Variants in RNF214 observed in about 807,000 individuals in gnomAD.
RNF214 encodes ring finger protein 214.
In RNF214, 25 loss-of-function variants were observed where a neutral mutation model predicts 75.9. The ratio of observed to expected loss-of-function variants is 0.33; its 90% CI spans 0.24 to 0.46. RNF214 has a LOEUF of 0.46. Ranked by LOEUF, RNF214 falls within the 20% of genes least tolerant of loss-of-function variation. RNF214 has a pLI of 1.00. For synonymous variants in RNF214, 314 were observed against 308.8 expected, an observed-to-expected ratio of 1.02 and a Z score of -0.18; for missense variants, 725 against 857.5, an observed-to-expected ratio of 0.85 and a Z score of 1.93.
chr11:117,238,684 A>G lies in RNF214; in HGVS notation c.191A>G (p.Asn64Ser), dbSNP rs765695500. 2 of 1,614,236 alleles carry G rather than the reference A, an allele frequency of 1.2e-6. No individual in the cohort carries two copies. The highest frequency in any genetic ancestry group is 2.2e-5 in the South Asian group (2 of 91,086). The change falls in exon 3 of 15, where the codon AAT becomes AGT. Residue 64 changes from asparagine to serine, a missense_variant. Asn to Ser is a conservative substitution (Grantham distance 46). Coordinates refer to ENST00000300650, the MANE Select transcript of RNF214 (RefSeq NM_207343.4). Reference sequence around the variant, plus strand: ...ACAATAACCAAGGAGAATAACAGAAATGTCCATTTGGAGCACTCAGAGCAG... The same window carrying G: ...ACAATAACCAAGGAGAATAACAGAAGTGTCCATTTGGAGCACTCAGAGCAG... Reference protein sequence around the residue: ...SQTITKENNRNVHLEHSEQNP... With the variant: ...SQTITKENNRSVHLEHSEQNP...
At chr11:117,240,147 G>A (rs2033030853) in intron 4 of RNF214, among the ~76,000 whole-genome samples, 1 of 151,980 alleles carries the variant, frequency 6.6e-6, no homozygotes, top group African/African-American at 2.4e-5. Flanking sequence ...GAGCCCTGGA[G>A]TTTGAGACCA....
rs143401559 is a variant in RNF214, at chr11:117,282,827, T to C, written c.1927T>C (p.Ser643Pro). The change falls in exon 13 of 15, where the codon TCA becomes CCA. Residue 643 changes from serine (S) to proline (P), a missense_variant. This residue lies in a region of RNF214 where 363 missense variants were observed against 513.0 expected (regional missense o/e 0.71). Coordinates refer to ENST00000300650, the MANE Select transcript of RNF214 (RefSeq NM_207343.4). ...AATGTTCTTGCCTTCTGCCCAAGTT[T>C]CATATCCTGGAAGGTCTTCACATGT... Reference protein sequence around the residue: ...TPMFLPSAQVSYPGRSSHAPA... With the variant: ...TPMFLPSAQVPYPGRSSHAPA... The C allele has an allele frequency of 1.2e-6, 2 of 1,613,950 alleles. No individual in the cohort carries two copies. The highest frequency in any genetic ancestry group is 4.5e-5 in the East Asian group (2 of 44,884).
At chr11:117,235,277 A>G (rs983733876) in intron 2 of RNF214, among the ~76,000 whole-genome samples, 17 of 151,964 alleles carry the variant, frequency 1.1e-4, no homozygotes, top group Non-Finnish European at 2.4e-4. Context: ...GCTCACTGCA[A>G]GCTCTGCCTC....
chr11:117,238,237 C>T (rs1156563210), intron 2 of RNF214, among the ~76,000 whole-genome samples: 3 of 152,002 alleles, frequency 2.0e-5, no homozygotes, highest in African/African-American at 7.2e-5. Context: ...ATGGCAAAAC[C>T]GTGCAAAAAA....
intron 6 of RNF214, among the ~76,000 whole-genome samples, chr11:117,267,158 T>C (rs1465853496): frequency 2.0e-5 from 3 of 152,152 alleles, no homozygotes; most frequent in Non-Finnish European, 2.9e-5. Flanking sequence ...TTATCAGATA[T>C]GTATTTCACC....
At chr11:117,265,977 T>C (rs2033787755) in intron 6 of RNF214, among the ~76,000 whole-genome samples, 1 of 152,196 alleles carries the variant, frequency 6.6e-6, no homozygotes, top group South Asian at 2.1e-4. Flanking sequence ...TTCTAAAGAT[T>C]TGTATCTGGC....
chr11:117,255,730 A>G (rs370430276), intron 6 of RNF214, among the ~76,000 whole-genome samples: 4 of 152,090 alleles, frequency 2.6e-5, no homozygotes, highest in South Asian at 2.1e-4. Context: ...TATTCTTAGT[A>G]TTAATTATTC....
In RNF214 at chr11:117,265,564, C is replaced by G. The variant is rs1004098535; in HGVS notation, c.960-14344C>G. ...GAGTAGCTGGGATTACAGGCCCCCA[C>G]TACTATGCCCAGCTGATTTTTGGTA... On this transcript the variant is annotated intron_variant, in intron 6 of 14. Transcript: ENST00000300650. Among the ~76,000 whole-genome samples, 3 of 152,050 alleles carry G rather than the reference C, an allele frequency of 2.0e-5. No homozygotes were observed. The South Asian group carries it at 6.2e-4, about 32-fold the overall frequency.
chr11:117,246,765 T>C lies in RNF214; in HGVS notation c.820-44T>C, dbSNP rs181757617. On this transcript the variant is annotated intron_variant, in intron 5 of 14. Coordinates refer to ENST00000300650, the MANE Select transcript of RNF214 (RefSeq NM_207343.4). The stretch of plus-strand genomic sequence containing the variant: ...CCTTTGCATCAAAAGAACTAACTTA[T>C]TTTCTTTTTTATTTGTGTGCGACTG... 9.5e-6 allele frequency: 14 copies of C among 1,475,184 alleles called. No homozygotes were observed. The Admixed American group carries it at 1.6e-4, about 17-fold the overall frequency. 91.4% of individuals were successfully genotyped at this position (1,475,184 alleles called of 1,614,324 possible).
chr11:117,247,077 C>A, intron 6 of RNF214, 129 bp downstream of exon 6: 1 of 715,006 alleles, frequency 1.4e-6, no homozygotes, highest in Non-Finnish European at 2.1e-6. Flanking sequence ...CAAGTAAAAA[C>A]TCTCCAATGA....
At chr11:117,270,348 C>G (rs1234232250) in intron 6 of RNF214, among the ~76,000 whole-genome samples, 2 of 147,778 alleles carry the variant, frequency 1.4e-5, no homozygotes, top group East Asian at 4.0e-4. Context: ...GCCTTGACCT[C>G]CTGGGCTGCG....
At position 117,282,835 on chromosome 11, in the gene RNF214, T is replaced by C. The variant is rs1422632101; in HGVS notation, c.1935T>C (p.Pro645=). The change falls in exon 13 of 15, where the codon CCT becomes CCC. Residue 645 remains proline (P), a synonymous_variant. Coordinates refer to ENST00000300650, the MANE Select transcript of RNF214 (RefSeq NM_207343.4). ...MFLPSAQVSY[P]GRSSHAPATC... is the part of the protein sequence containing the mutation. ...TGCCTTCTGCCCAAGTTTCATATCCTGGAAGGTCTTCACATGTAAGACTCT... is the reference window on the plus strand; with the variant it reads ...TGCCTTCTGCCCAAGTTTCATATCCCGGAAGGTCTTCACATGTAAGACTCT... The C allele has an allele frequency of 2.2e-5, 36 of 1,612,930 alleles. No homozygotes were observed. The highest frequency in any genetic ancestry group is 2.9e-5 in the Non-Finnish European group (34 of 1,179,000).
chr11:117,238,985 CAG>C lies in RNF214; in HGVS notation c.493_494del (p.Arg165GlyfsTer17). ...PQTSILKEGN[R>X]DTSLDFRPVV... Reference sequence around the variant, plus strand: ...AAACCTCCATCCTAAAGGAAGGTAACAGGGACACAAGCTTGGATTTCCGACCT... The same window carrying C: ...AAACCTCCATCCTAAAGGAAGGTAACGGACACAAGCTTGGATTTCCGACCT... On this transcript the variant is annotated frameshift_variant, in exon 3 of 15. Coordinates refer to ENST00000300650, the MANE Select transcript of RNF214 (RefSeq NM_207343.4). LOFTEE classifies it high-confidence loss of function. 2 of 1,614,154 alleles carry C rather than the reference CAG, an allele frequency of 1.2e-6. No homozygotes were observed. The highest frequency in any genetic ancestry group is 1.1e-5 in the South Asian group (1 of 91,086).
intron 4 of RNF214, among the ~76,000 whole-genome samples, chr11:117,240,786 A>G (rs1441192883): frequency 6.6e-6 from 1 of 152,196 alleles, no homozygotes; most frequent in Non-Finnish European, 1.5e-5. Context: ...TCACGCCTGT[A>G]ATCCTAGCAC....
chr11:117,233,411 T>C (rs2032789551), intron 1 of RNF214, among the ~76,000 whole-genome samples: 1 of 152,266 alleles, frequency 6.6e-6, no homozygotes, highest in East Asian at 1.9e-4. Context: ...CCCTATGCGC[T>C]CTTCAGTGTT....
chr11:117,249,301 C>CT (rs1393798795), intron 6 of RNF214, among the ~76,000 whole-genome samples: 3 of 152,076 alleles, frequency 2.0e-5, no homozygotes, highest in Non-Finnish European at 2.9e-5. Flanking sequence ...TTATGTAACT[C>CT]TACTACCTTT....
chr11:117,268,719 C>T (rs2033847286), intron 6 of RNF214, among the ~76,000 whole-genome samples: 1 of 152,134 alleles, frequency 6.6e-6, no homozygotes, highest in Non-Finnish European at 1.5e-5. Flanking sequence ...TCAGCTTTTA[C>T]AAACAGCTTG....
At chr11:117,239,973 G>C in intron 4 of RNF214, 113 bp downstream of exon 4, 1 of 633,540 alleles carries the variant, frequency 1.6e-6, no homozygotes, top group Non-Finnish European at 2.8e-6. Flanking sequence ...ATTCCTGACA[G>C]ATGGTCAGGT....
At chr11:117,263,664 T>C (rs1415688829) in intron 6 of RNF214, 1 of 155,658 alleles carries the variant, frequency 6.4e-6, no homozygotes, top group African/African-American at 2.4e-5. Context: ...GACACTTACG[T>C]AGCAGCTTGA....
Sources: allele counts gnomAD v4.1 joint callset (sites outside exome capture counted in the v4.1 genomes callset), GRCh38; gene constraint gnomAD v4.1.1; regional missense constraint gnomAD v4.1.1; transcripts MANE v1.5; gene names NCBI Gene and HGNC (gene_info 2026-07-23, HGNC 2026-07-21).